SYT16: variants seen among roughly 807,000 people sequenced by gnomAD.
SYT16 encodes the protein synaptotagmin 16.
In SYT16, 42 loss-of-function variants were observed where a neutral mutation model predicts 61.4. That is an observed-to-expected ratio of 0.68 (90% CI 0.53 to 0.89). SYT16 has a LOEUF of 0.89. SYT16 is among the 40% of genes least tolerant of loss of function. The pLI is 0.00. For missense variants in SYT16, 804 were observed against 807.3 expected (o/e 1.00, Z 0.05); for synonymous variants, 314 against 302.3 (o/e 1.04, Z -0.40).
chr14:62,022,684 C>A (rs1054008657), intron 3 of SYT16, among the ~76,000 whole-genome samples: 3 of 151,812 alleles, frequency 2.0e-5, no homozygotes, highest in African/African-American at 7.3e-5. Flanking sequence ...TTTTTACTAT[C>A]CGGTTTTAAA....
At chr14:61,875,621 G>C (rs1248639496) in intron 1 of SYT16, among the ~76,000 whole-genome samples, 1 of 152,240 alleles carries the variant, frequency 6.6e-6, no homozygotes, top group African/African-American at 2.4e-5. Flanking sequence ...TGGAGAGCCA[G>C]ATTGTAGCTA....
intron 1 of SYT16, among the ~76,000 whole-genome samples, chr14:61,963,436 T>G (rs2784502): frequency 0.35 from 53,613 of 152,008 alleles, 10,335 homozygotes; most frequent in African/African-American, 0.48. Flanking sequence ...TAGTGGTCTA[T>G]ATAGAAAATC....
intron 1 of SYT16, among the ~76,000 whole-genome samples, chr14:61,907,797 A>AG (rs2048781280): frequency 6.6e-6 from 1 of 152,230 alleles, no homozygotes; most frequent in Non-Finnish European, 1.5e-5. Flanking sequence ...TGTGAGCCCC[A>AG]GGGGGGTGCA....
intron 1 of SYT16, among the ~76,000 whole-genome samples, chr14:61,851,613 C>T (rs375508772): frequency 3.9e-4 from 59 of 152,228 alleles, no homozygotes; most frequent in African/African-American, 1.2e-3. Context: ...CTGACTGGCA[C>T]GAGGTGATGT....
intron 7 of SYT16, among the ~76,000 whole-genome samples, chr14:62,090,151 G>A (rs1400416853): frequency 6.6e-6 from 1 of 152,192 alleles, no homozygotes; most frequent in African/African-American, 2.4e-5. Context: ...CTTCAGCTTT[G>A]CTATGTCTCC....
At chr14:61,817,067 A>G (rs2140207774) in intron 1 of SYT16, among the ~76,000 whole-genome samples, 1 of 152,112 alleles carries the variant, frequency 6.6e-6, no homozygotes, top group Non-Finnish European at 1.5e-5. Context: ...TATTAATTGG[A>G]AAATGGGGGG....
chr14:61,830,932 T>C (rs989769193), intron 1 of SYT16, among the ~76,000 whole-genome samples: 1 of 152,218 alleles, frequency 6.6e-6, no homozygotes, highest in Non-Finnish European at 1.5e-5. Context: ...CTGGTGAGGA[T>C]GCAGAGAGAT....
chr14:61,969,567 G>T (rs1215610086), intron 1 of SYT16, among the ~76,000 whole-genome samples: 1 of 152,126 alleles, frequency 6.6e-6, no homozygotes, highest in Non-Finnish European at 1.5e-5. Context: ...TATATGGATG[G>T]CATGAATTAT....
At chr14:61,925,532 G>C (rs1374749307) in intron 1 of SYT16, among the ~76,000 whole-genome samples, 1 of 152,148 alleles carries the variant, frequency 6.6e-6, no homozygotes, top group Non-Finnish European at 1.5e-5. Context: ...TCAGAAACTA[G>C]CATTGCTTAG....
At chr14:62,086,921 C>T (rs1343366653) in intron 7 of SYT16, among the ~76,000 whole-genome samples, 1 of 152,156 alleles carries the variant, frequency 6.6e-6, no homozygotes, top group Non-Finnish European at 1.5e-5. Flanking sequence ...ATAGTGAAGA[C>T]AAAAGTTTTT....
chr14:61,964,750 G>A (rs1206185675), intron 1 of SYT16, among the ~76,000 whole-genome samples: 1 of 152,112 alleles, frequency 6.6e-6, no homozygotes, highest in African/African-American at 2.4e-5. Context: ...GTCAGTTGAT[G>A]AGGCAAACTT....
At chr14:61,966,674 G>T (rs2051327424) in intron 1 of SYT16, among the ~76,000 whole-genome samples, 1 of 152,080 alleles carries the variant, frequency 6.6e-6, no homozygotes, top group Non-Finnish European at 1.5e-5. Context: ...GATGGAAAAA[G>T]ATCCTTTATT....
intron 3 of SYT16, among the ~76,000 whole-genome samples, chr14:62,060,233 C>T (rs2055766423): frequency 6.6e-6 from 1 of 152,014 alleles, no homozygotes; most frequent in South Asian, 2.1e-4. Context: ...TCTATTTTCT[C>T]TCAGTAATGT....
intron 1 of SYT16, among the ~76,000 whole-genome samples, chr14:61,890,292 T>C (rs2048073387): frequency 6.6e-6 from 1 of 152,086 alleles, no homozygotes; most frequent in South Asian, 2.1e-4. Context: ...TCCCAGAGCT[T>C]TGGATATGGG....
chr14:62,018,283 CTTCTTCTTCTTCTTCTTTTTTTTTT>C (rs1163747255), intron 3 of SYT16, among the ~76,000 whole-genome samples: 1 of 60,648 alleles, frequency 1.6e-5, no homozygotes, highest in Non-Finnish European at 3.2e-5. Flanking sequence ...GGGTCTTTCT[CTTCTTCTTCTTCTTCTTTTTTTTTT>C]TTTTTTTTTT....
intron 3 of SYT16, among the ~76,000 whole-genome samples, chr14:62,019,194 T>C (rs1158086470): frequency 1.3e-5 from 2 of 152,248 alleles, no homozygotes; most frequent in Non-Finnish European, 2.9e-5. Flanking sequence ...AACACTGTAG[T>C]AATACAAAAG....
At chr14:62,059,697 TA>T (rs923073527) in intron 3 of SYT16, among the ~76,000 whole-genome samples, 14 of 147,970 alleles carry the variant, frequency 9.5e-5, no homozygotes, top group Non-Finnish European at 1.8e-4. Flanking sequence ...TATATGTATA[TA>T]TATACATATA....
At chr14:61,893,377 C>A (rs1307365093) in intron 1 of SYT16, among the ~76,000 whole-genome samples, 2 of 152,128 alleles carry the variant, frequency 1.3e-5, no homozygotes, top group East Asian at 3.8e-4. Flanking sequence ...TCCTGAAATT[C>A]TGCTTTTATG....
chr14:62,101,505 C>G lies in SYT16; in HGVS notation c.*798C>G, dbSNP rs915095694. The G allele has an allele frequency of 6.6e-6, 1 of 152,010 alleles. No homozygotes were observed. Among genetic ancestry groups the G allele is most frequent in the Non-Finnish European group, 1.5e-5 (1 of 68,012 alleles). 9.4% of individuals were successfully genotyped at this position (152,010 alleles called of 1,614,324 possible). A position where few individuals can be genotyped will look rare whatever the true frequency, so the allele number is the denominator to read the frequency against. ...AAGAAAACAAAAAACAAGACTACTG[C>G]AGTCATAGATTTATTGATTTTTTCT... On this transcript the variant is annotated 3_prime_UTR_variant, in exon 8 of 8. Transcript: ENST00000683842.
Sources: allele counts gnomAD v4.1 joint callset (sites outside exome capture counted in the v4.1 genomes callset), GRCh38; gene constraint gnomAD v4.1.1; transcripts MANE v1.5; gene names NCBI Gene and HGNC (gene_info 2026-07-23, HGNC 2026-07-21).